AGTPBP1: variants seen among roughly 807,000 people sequenced by gnomAD.
AGTPBP1 encodes the protein ATP/GTP binding carboxypeptidase 1.
AGTPBP1 carries 70 observed loss-of-function variants against 143.9 expected under a neutral mutation model. The ratio of observed to expected loss-of-function variants is 0.49; its 90% confidence interval spans 0.40 to 0.59. The LOEUF is 0.59. Ranked by LOEUF, AGTPBP1 falls within the 20% of genes least tolerant of loss-of-function variation. AGTPBP1 has a pLI of 0.00. For missense variants in AGTPBP1, 1,229 were observed against 1,464.5 expected (o/e 0.84, Z 2.62); for synonymous variants, 463 against 500.2 (o/e 0.93, Z 0.99).
rs748888097 is a variant in AGTPBP1, at chr9:85,672,674, T to G, written c.444A>C (p.Lys148Asn). ...ILAKIGPKDKKFGVKARINGA... is the reference protein window; with the variant it reads ...ILAKIGPKDKNFGVKARINGA... Reference sequence around the variant, plus strand: ...CATTAATTCTAGCCTTTACTCCAAATTTTTTATCTGTTTAAAAAAAAAAAA... The same window carrying G: ...CATTAATTCTAGCCTTTACTCCAAAGTTTTTATCTGTTTAAAAAAAAAAAA... The change falls in exon 7 of 26, where the codon AAA becomes AAC. Residue 148 changes from lysine to asparagine, a missense_variant. Around this residue, in one of 2 missense-constraint regions of AGTPBP1, gnomAD observed 743 missense variants for 812.2 expected, o/e 0.91. Transcript: ENST00000357081. The G allele has an allele frequency of 6.3e-7, 1 of 1,588,340 alleles. No individual in the cohort carries two copies.
At chr9:85,673,550 G>C (rs569520572) in intron 6 of AGTPBP1, among the ~76,000 whole-genome samples, 1 of 152,220 alleles carries the variant, frequency 6.6e-6, no homozygotes, top group African/African-American at 2.4e-5. Context: ...AAGAAAAGAT[G>C]TTCTTAATTT....
intron 24 of AGTPBP1, among the ~76,000 whole-genome samples, chr9:85,576,050 T>C (rs897719086): frequency 6.6e-6 from 1 of 152,174 alleles, no homozygotes; most frequent in Non-Finnish European, 1.5e-5. Context: ...AGAATGCTCA[T>C]TTCAAATTTT....
intron 19 of AGTPBP1, among the ~76,000 whole-genome samples, chr9:85,591,396 T>TA (rs1226053800): frequency 2.6e-5 from 4 of 151,996 alleles, no homozygotes; most frequent in African/African-American, 9.7e-5. Flanking sequence ...AACTGAATCC[T>TA]AGGACACTAG....
intron 1 of AGTPBP1, among the ~76,000 whole-genome samples, chr9:85,730,134 T>C (rs1213060763): frequency 1.3e-5 from 2 of 152,202 alleles, no homozygotes; most frequent in Non-Finnish European, 2.9e-5. Context: ...ATAAAAGAGG[T>C]AACTCTCTTG....
chr9:85,616,607 G>A (rs3908484), intron 17 of AGTPBP1, among the ~76,000 whole-genome samples: 99,660 of 151,666 alleles, frequency 0.66, 34,027 homozygotes, highest in African/African-American at 0.85. Context: ...TATTTTACTC[G>A]TAAGGTGCAC....
the AGTPBP1 span, among the ~76,000 whole-genome samples, chr9:85,748,385 C>T: frequency 6.6e-6 from 1 of 152,166 alleles, no homozygotes; most frequent in Non-Finnish European, 1.5e-5. Context: ...TCTCTGCCCT[C>T]TTCTATACTC....
At chr9:85,700,813 T>C (rs549599302) in intron 2 of AGTPBP1, among the ~76,000 whole-genome samples, 43 of 152,256 alleles carry the variant, frequency 2.8e-4, no homozygotes, top group African/African-American at 9.6e-4. Flanking sequence ...GTTAATAAAA[T>C]AGAAATAAGC....
chr9:85,558,171 A>G (rs1465889538), intron 25 of AGTPBP1, among the ~76,000 whole-genome samples: 1 of 152,248 alleles, frequency 6.6e-6, no homozygotes, highest in Admixed American at 6.5e-5. Context: ...GGAATTAAGT[A>G]GTGACACATG....
chr9:85,634,037 CA>C (rs1172529541), intron 13 of AGTPBP1, among the ~76,000 whole-genome samples: 2 of 151,346 alleles, frequency 1.3e-5, no homozygotes, highest in Non-Finnish European at 2.9e-5. Flanking sequence ...ACTAAAACTA[CA>C]AAAATTAGCT....
rs990716365 is a variant in AGTPBP1, at chr9:85,579,402, A to T, written c.3166-306T>A. 3.3e-5 allele frequency among the ~76,000 whole-genome samples: 5 copies of T among 152,196 alleles called. No homozygotes were observed. The East Asian group carries it at 9.6e-4, about 29-fold the overall frequency. ...TAAAAATATGAAAAAAATGTTTAAA[A>T]TGTGAAATTTAGTCATAAAAGACTA... On this transcript the variant is annotated intron_variant, in intron 23 of 25. Transcript: ENST00000357081.
At chr9:85,726,216 C>T (rs147437073) in intron 1 of AGTPBP1, among the ~76,000 whole-genome samples, 4,096 of 128,580 alleles carry the variant, frequency 0.032, 195 homozygotes, top group African/African-American at 0.11. Context: ...AGTAACAGAA[C>T]AAGACTCTGT....
chr9:85,804,640 C>T, the AGTPBP1 span, among the ~76,000 whole-genome samples: 1 of 152,188 alleles, frequency 6.6e-6, no homozygotes, highest in African/African-American at 2.4e-5. Context: ...CGCTGGAAGC[C>T]AGTACAGCTG....
chr9:85,746,072 A>G (rs1824576023), upstream of AGTPBP1, among the ~76,000 whole-genome samples: 1 of 152,068 alleles, frequency 6.6e-6, no homozygotes, highest in South Asian at 2.1e-4. Context: ...AGGAAAGCCC[A>G]TTTGCAGAAT....
At chr9:85,554,117 A>G (rs1826191454) in intron 25 of AGTPBP1, 1 of 152,362 alleles carries the variant, frequency 6.6e-6, no homozygotes. Context: ...GAAAGGATAC[A>G]AAGCAAAATC....
At chr9:85,773,252 G>C in the AGTPBP1 span, among the ~76,000 whole-genome samples, 1 of 84,230 alleles carries the variant, frequency 1.2e-5, no homozygotes, top group African/African-American at 4.7e-5. Context: ...GTGACAGAGA[G>C]AGACTCCTTC....
chr9:85,644,028 G>T (rs1349450240), intron 12 of AGTPBP1, among the ~76,000 whole-genome samples: 3 of 151,816 alleles, frequency 2.0e-5, no homozygotes, highest in African/African-American at 7.3e-5. Context: ...TTATATACAT[G>T]TATCTGACCA....
At chr9:85,757,004 T>TTGG in the AGTPBP1 span, among the ~76,000 whole-genome samples, 5 of 148,678 alleles carry the variant, frequency 3.4e-5, no homozygotes, top group African/African-American at 1.2e-4. Context: ...TTCTTTTTTT[T>TTGG]GGGGGGGTGA....
intron 1 of AGTPBP1, among the ~76,000 whole-genome samples, chr9:85,735,341 A>C (rs2134785401): frequency 6.6e-6 from 1 of 152,340 alleles, no homozygotes. Context: ...ATTCATAGCA[A>C]CAGAAAATAG....
intron 3 of AGTPBP1, among the ~76,000 whole-genome samples, chr9:85,687,767 C>A (rs1400485148): frequency 6.6e-6 from 1 of 151,908 alleles, no homozygotes; most frequent in African/African-American, 2.4e-5. Flanking sequence ...AAATAAAGGT[C>A]TCAAAATAAA....
Sources: allele counts gnomAD v4.1 joint callset (sites outside exome capture counted in the v4.1 genomes callset), GRCh38; gene constraint gnomAD v4.1.1; regional missense constraint gnomAD v4.1.1; transcripts MANE v1.5; gene names NCBI Gene and HGNC (gene_info 2026-07-23, HGNC 2026-07-21).